AGAP1: variants seen among roughly 807,000 people sequenced by gnomAD.
AGAP1 encodes the protein ArfGAP with GTPase domain, ankyrin repeat and PH domain 1, also known as arf-GAP with GTPase, ANK repeat and PH domain-containing protein 1.
In AGAP1, 29 loss-of-function variants were observed where a neutral mutation model predicts 105.3. That is an observed-to-expected ratio of 0.28 (90% CI 0.21 to 0.38). AGAP1 has a LOEUF of 0.38. Among genes scored for constraint, AGAP1 ranks in the 10% least tolerant of loss-of-function variants. The pLI is 1.00. For missense variants in AGAP1, 998 were observed against 1,165.1 expected, an observed-to-expected ratio of 0.86 and a Z score of 2.09; for synonymous variants, 509 against 485.9, an observed-to-expected ratio of 1.05 and a Z score of -0.63.
intron 16 of AGAP1, among the ~76,000 whole-genome samples, chr2:236,117,971 C>T (rs1472325533): frequency 1.3e-5 from 2 of 152,150 alleles, no homozygotes; most frequent in African/African-American, 4.8e-5. Context: ...TCCTGGAAAT[C>T]TCCAAATGAA....
chr2:235,912,094 T>C (rs192388779), intron 11 of AGAP1, among the ~76,000 whole-genome samples: 179 of 152,360 alleles, frequency 1.2e-3, no homozygotes, highest in African/African-American at 3.9e-3. Flanking sequence ...GAATAAGCCA[T>C]GGGCGGAGGC....
intron 1 of AGAP1, among the ~76,000 whole-genome samples, chr2:235,540,761 A>ACC (rs1220668712): frequency 1.3e-5 from 2 of 152,090 alleles, no homozygotes; most frequent in Admixed American, 1.3e-4. Context: ...CGGGACGTGC[A>ACC]CCCCCTTCAC....
chr2:235,798,528 T>C (rs1957346184), intron 7 of AGAP1, among the ~76,000 whole-genome samples: 1 of 152,094 alleles, frequency 6.6e-6, no homozygotes, highest in Non-Finnish European at 1.5e-5. Flanking sequence ...TCAGTTTGCT[T>C]GGGAAGCCAG....
chr2:235,802,801 TGTGGTGGTGGTG>T (rs77575751), intron 8 of AGAP1, among the ~76,000 whole-genome samples: 1 of 134,438 alleles, frequency 7.4e-6, no homozygotes, highest in Non-Finnish European at 1.7e-5. Flanking sequence ...TGATGATGGT[TGTGGTGGTGGTG>T]GTGATGTTGT....
rs190241482 is a variant in AGAP1 at position 235,717,932 on chromosome 2, C to T, written c.310+288C>T. ...ATGTCCTTTTTAATCCAGTGTCCTT[C>T]TTATCCATTGTTGCTCCTTTAAATA... On this transcript the variant is annotated intron_variant, in intron 3 of 17. Transcript: ENST00000304032. Among the ~76,000 whole-genome samples the T allele has an allele frequency of 1.5e-3, 226 of 152,306 alleles. 1 individual carries two copies. Among genetic ancestry groups the T allele is most frequent in the African/African-American group, 4.8e-3 (199 of 41,586 alleles).
At chr2:235,956,479 G>A (rs906170410) in intron 12 of AGAP1, among the ~76,000 whole-genome samples, 3 of 152,114 alleles carry the variant, frequency 2.0e-5, no homozygotes, top group Non-Finnish European at 4.4e-5. Flanking sequence ...CAAACTGGAT[G>A]ATGCCATTCG....
rs372301994 is a variant in AGAP1, at chr2:235,988,130, C to T, written c.1645+19507C>T. Among the ~76,000 whole-genome samples, 101 of 152,204 alleles carry T rather than the reference C, an allele frequency of 6.6e-4. No homozygotes were observed. The highest frequency in any genetic ancestry group is 2.0e-3 in the African/African-American group (85 of 41,528). ...TGATCTCGGCTCACTGAAGCCTCCA[C>T]CTCCAAAGTTCAAGTGATTCTCCTG... On this transcript the variant is annotated intron_variant, in intron 13 of 17. Coordinates refer to ENST00000304032, the MANE Select transcript of AGAP1 (RefSeq NM_001037131.3). This position sits in a 1 kb window ranked among gnomAD's most constrained non-coding sequence, Gnocchi z 4.7.
At chr2:235,756,605 ATTGT>A (rs1953946704) in intron 6 of AGAP1, among the ~76,000 whole-genome samples, 2 of 151,996 alleles carry the variant, frequency 1.3e-5, no homozygotes, top group Admixed American at 1.3e-4. Context: ...TTATGCATGG[ATTGT>A]TTATTTGCAT....
chr2:235,541,953 T>G (rs958819662), intron 1 of AGAP1, among the ~76,000 whole-genome samples: 3 of 152,202 alleles, frequency 2.0e-5, no homozygotes, highest in Admixed American at 2.0e-4. Context: ...TTGCATGGTA[T>G]GACCTCCATT....
rs1950260577 is a variant in AGAP1 at position 235,701,497 on chromosome 2, T to G, written c.164-7682T>G. Among the ~76,000 whole-genome samples, 2 of 152,174 alleles carry G rather than the reference T, an allele frequency of 1.3e-5. No individual in the cohort carries two copies. Among genetic ancestry groups the G allele is most frequent in the Non-Finnish European group, 2.9e-5 (2 of 68,038 alleles). ...GGGATGCTGTCCGGACATGTCAGGA[T>G]GGGAAACTGTCTTGTCTGTGGATCT... On this transcript the variant is annotated intron_variant, in intron 1 of 17. Coordinates refer to ENST00000304032, the MANE Select transcript of AGAP1 (RefSeq NM_001037131.3). The surrounding 1 kb of genome is among the most constrained non-coding windows in gnomAD (Gnocchi z 4.1).
chr2:235,799,324 C>T lies in AGAP1; in HGVS notation c.802-43C>T. The T allele has an allele frequency of 1.3e-6, 2 of 1,597,228 alleles. No individual in the cohort carries two copies. Among genetic ancestry groups the T allele is most frequent in the Non-Finnish European group, 1.7e-6 (2 of 1,170,394 alleles). ...TTGCCTAAGTGGAGGTCTTGGGTTC[C>T]TGAGTATGTCGTTAATGAAACCTTG... On this transcript the variant is annotated intron_variant, in intron 7 of 17. Coordinates refer to ENST00000304032, the MANE Select transcript of AGAP1 (RefSeq NM_001037131.3). This position sits in a 1 kb window ranked among gnomAD's most constrained non-coding sequence, Gnocchi z 5.0.
At chr2:236,063,009 G>A (rs2058245630) in intron 16 of AGAP1, among the ~76,000 whole-genome samples, 1 of 152,058 alleles carries the variant, frequency 6.6e-6, no homozygotes, top group Non-Finnish European at 1.5e-5. Flanking sequence ...GCCCAGGCAG[G>A]GATCCTGGCC....
chr2:235,576,653 C>T (rs892582813), intron 1 of AGAP1, among the ~76,000 whole-genome samples: 16 of 152,322 alleles, frequency 1.1e-4, no homozygotes, highest in African/African-American at 3.4e-4. Flanking sequence ...GTTCGAGTCC[C>T]GCAGGCAAGA....
At chr2:235,813,205 G>A (rs1958255627) in intron 9 of AGAP1, among the ~76,000 whole-genome samples, 1 of 152,336 alleles carries the variant, frequency 6.6e-6, no homozygotes, top group East Asian at 1.9e-4. Context: ...ATGTTGGTGG[G>A]TGACAATATG....
chr2:235,856,121 C>G (rs376284379), intron 9 of AGAP1, among the ~76,000 whole-genome samples: 2 of 152,026 alleles, frequency 1.3e-5, no homozygotes, highest in African/African-American at 4.8e-5. Context: ...ATCATATTGG[C>G]CAGGCTGGTC....
At chr2:235,796,650 A>G (rs1387966348) in intron 6 of AGAP1, among the ~76,000 whole-genome samples, 3 of 152,236 alleles carry the variant, frequency 2.0e-5, no homozygotes, top group African/African-American at 7.2e-5. Flanking sequence ...CCAGTTTCTT[A>G]TTAAAATTGT....
chr2:235,626,626 T>C (rs572685477), intron 1 of AGAP1, among the ~76,000 whole-genome samples: 31 of 152,366 alleles, frequency 2.0e-4, no homozygotes, highest in Admixed American at 1.7e-3. Context: ...TTTTCCTCAA[T>C]GAACACGCTA....
chr2:235,999,256 A>G (rs1485248180), intron 13 of AGAP1, among the ~76,000 whole-genome samples: 7 of 144,010 alleles, frequency 4.9e-5, no homozygotes, highest in African/African-American at 7.9e-5. Context: ...GGTGGTGACA[A>G]TGATAGTAGT....
intron 6 of AGAP1, among the ~76,000 whole-genome samples, chr2:235,758,052 G>T (rs984892058): frequency 2.0e-5 from 3 of 152,052 alleles, no homozygotes; most frequent in African/African-American, 4.8e-5. Context: ...AATTTTCATT[G>T]TCGGGGTGGC....
Sources: allele counts gnomAD v4.1 joint callset (sites outside exome capture counted in the v4.1 genomes callset), GRCh38; gene constraint gnomAD v4.1.1; non-coding constraint Gnocchi (gnomAD v3.1); transcripts MANE v1.5; gene names NCBI Gene and HGNC (gene_info 2026-07-23, HGNC 2026-07-21).